TNC: variants seen among roughly 807,000 people sequenced by gnomAD.
TNC encodes the protein tenascin.
In TNC, 109 loss-of-function variants were observed where a neutral mutation model predicts 202.4. The ratio of observed to expected loss-of-function variants is 0.54; its 90% confidence interval spans 0.46 to 0.63. The LOEUF (loss-of-function observed/expected upper bound fraction) is 0.63, where lower values mean the gene tolerates loss of function less well. TNC is among the 30% of genes least tolerant of loss of function. TNC has a pLI of 0.00. For synonymous variants in TNC, 1,007 were observed against 1,089.7 expected, an observed-to-expected ratio of 0.92 and a Z score of 1.50; for missense variants, 2,756 against 2,833.3, an observed-to-expected ratio of 0.97 and a Z score of 0.62.
At chr9:115,091,305 GT>G (rs1835214995) in intron 1 of TNC, among the ~76,000 whole-genome samples, 151 bp from the exon 2 acceptor site, 1 of 151,980 alleles carries the variant, frequency 6.6e-6, no homozygotes, top group African/African-American at 2.4e-5. Context: ...ACATACAATG[GT>G]CTCTAAAAGA....
intron 1 of TNC, 87 bp downstream of exon 1, chr9:115,117,895 A>G (rs974079787): frequency 6.6e-6 from 1 of 152,104 alleles, no homozygotes; most frequent in Non-Finnish European, 1.5e-5. Context: ...TTTTGTAATT[A>G]TAATATAAAA....
chr9:115,062,007 T>C (rs563888172), intron 13 of TNC, among the ~76,000 whole-genome samples: 4 of 152,214 alleles, frequency 2.6e-5, no homozygotes, highest in Non-Finnish European at 4.4e-5. Context: ...TAAAGGTTAT[T>C]ATGTAGAGAT....
In TNC at chr9:115,082,564, G is replaced by A. The variant is rs1397242756; in HGVS notation, c.2247+128C>T. 3 of 632,482 alleles carry A rather than the reference G, an allele frequency of 4.7e-6. No individual in the cohort carries two copies. In the African/African-American group the frequency reaches 5.5e-5, roughly 12 times the overall value. The allele number at this position is 632,482 out of a possible 1,614,324, so 39.2% of individuals were successfully genotyped here. A position where few individuals can be genotyped will look rare whatever the true frequency, so the allele number is the denominator to read the frequency against. On this transcript the variant is annotated intron_variant, in intron 5 of 27. Coordinates refer to ENST00000350763, the MANE Select transcript of TNC (RefSeq NM_002160.4). ...TTAAAATATAGATGCAAACACAAAT[G>A]ATGCTAATGAGAGCCTTGTCCTCCA...
intron 22 of TNC, 78 bp from the exon 23 acceptor site, chr9:115,031,763 T>A: frequency 6.5e-7 from 1 of 1,542,902 alleles, no homozygotes; most frequent in Non-Finnish European, 8.7e-7. Context: ...ATTCTATTTA[T>A]AAGTTCATTT....
chr9:115,080,676 C>T (rs967336328), intron 6 of TNC, among the ~76,000 whole-genome samples: 13 of 151,954 alleles, frequency 8.6e-5, no homozygotes, highest in Non-Finnish European at 1.9e-4. Flanking sequence ...TTTAGGAGGC[C>T]GAGGCGGGTG....
Position 115,046,551 on chromosome 9 carries a change from C to T in TNC, c.4984G>A (p.Glu1662Lys). Residue 1662 changes from glutamate (E) to lysine (K), a missense_variant, in exon 17 of 28, where the codon GAG becomes AAG. Physicochemically the swap from Glu to Lys is moderately conservative, Grantham distance 56. Around this residue, in one of 2 missense-constraint regions of TNC, gnomAD observed 2,559 missense variants for 2,546.0 expected, o/e 1.01. Coordinates refer to ENST00000350763, the MANE Select transcript of TNC (RefSeq NM_002160.4). ...LKIRDTKKQS[E>K]PLEITLLAPE... ...GCAAGTAGGGTTATTTCCAGTGGCT[C>T]AGACTGCTTTTTGGTATCTCTGATT... 1 of 1,614,114 alleles carries T rather than the reference C, an allele frequency of 6.2e-7. No individual in the cohort carries two copies. The highest frequency in any genetic ancestry group is 1.3e-5 in the African/African-American group (1 of 75,036).
At position 115,086,195 on chromosome 9, in the gene TNC, C is replaced by T. The variant is rs144640673; in HGVS notation, c.1536G>A (p.Val512=). 8.6e-5 allele frequency: 139 copies of T among 1,614,152 alleles called. No homozygotes were observed. The African/African-American group carries it at 1.7e-3, about 19-fold the overall frequency. The stretch of plus-strand genomic sequence containing the variant: ...CGTCCTCACAGACGCACTGTCCGTC[C>T]ACACAGAGGCCCCTGTTGCTGCAGT... ...PRDCSNRGLC[V]DGQCVCEDGF... The change falls in exon 3 of 28, where the codon GTG becomes GTA. Residue 512 remains valine, a synonymous_variant. Coordinates refer to ENST00000350763, the MANE Select transcript of TNC (RefSeq NM_002160.4).
chr9:115,076,166 A>T (rs370822276), intron 8 of TNC, 45 bp from the exon 9 acceptor site: 1 of 1,574,514 alleles, frequency 6.4e-7, no homozygotes, highest in Non-Finnish European at 8.7e-7. Flanking sequence ...GAAATCAGAG[A>T]GACTTTCAGA....
At position 115,076,426 on chromosome 9, in the gene TNC, T is replaced by C; in HGVS notation, c.2824A>G (p.Lys942Glu). The change falls in exon 8 of 28, where the codon AAG becomes GAG. Residue 942 changes from lysine to glutamate, a missense_variant. Lys to Glu is a moderately conservative substitution (Grantham distance 56). Transcript: ENST00000350763. ...GTTTTGGTTGTGGCTTGTTGGCTCTTTGGAACATCAACCTCAGCGTGGTCC... is the reference window on the plus strand; with the variant it reads ...GTTTTGGTTGTGGCTTGTTGGCTCTCTGGAACATCAACCTCAGCGTGGTCC... ...GGDHAEVDVP[K>E]SQQATTKTTL... The C allele has an allele frequency of 6.2e-7, 1 of 1,614,126 alleles. No individual in the cohort carries two copies.
At chr9:115,055,913 A>G (rs984071648) in intron 15 of TNC, among the ~76,000 whole-genome samples, 4 of 152,152 alleles carry the variant, frequency 2.6e-5, no homozygotes, top group African/African-American at 9.7e-5. Context: ...GCCATGAGAA[A>G]CAAACATATA....
At position 115,086,832 on chromosome 9, in the gene TNC, A is replaced by G. The variant is rs1834787404; in HGVS notation, c.899T>C (p.Val300Ala). ...NRGRCVENEC[V>A]CDEGFTGEDC... ...TTCGCCCGTGAAACCCTCATCACAC[A>G]CGCACTCATTCTCCACGCATCGTCC... The change falls in exon 3 of 28, where the codon GTG (valine) becomes GCG (alanine). Residue 300 changes from valine (V) to alanine (A), a missense_variant. By Grantham distance (64) the Val-to-Ala change is moderately conservative (BLOSUM62 0). Coordinates refer to ENST00000350763, the MANE Select transcript of TNC (RefSeq NM_002160.4). 17 of 1,614,014 alleles carry G rather than the reference A, an allele frequency of 1.1e-5. No homozygotes were observed. Among genetic ancestry groups the G allele is most frequent in the Non-Finnish European group, 1.2e-5 (14 of 1,180,034 alleles).
intron 1 of TNC, among the ~76,000 whole-genome samples, chr9:115,108,112 G>A (rs1197402861): frequency 1.3e-5 from 2 of 152,106 alleles, no homozygotes; most frequent in Non-Finnish European, 2.9e-5. Flanking sequence ...CATCCTGCTT[G>A]TCTCTACCTC....
chr9:115,099,261 G>C (rs2026154), intron 1 of TNC, among the ~76,000 whole-genome samples: 21,913 of 152,130 alleles, frequency 0.14, 1,677 homozygotes, highest in African/African-American at 0.2. Context: ...GCCTAGTGGT[G>C]GTGGGGTGTT....
At chr9:115,068,061 T>C (rs868404108) in intron 10 of TNC, among the ~76,000 whole-genome samples, 11 of 152,210 alleles carry the variant, frequency 7.2e-5, no homozygotes, top group Middle Eastern at 3.4e-3. Flanking sequence ...ATATTATGAA[T>C]AAAAAATACA....
At chr9:115,047,240 C>CTTT (rs397975455) in intron 16 of TNC, among the ~76,000 whole-genome samples, 1,340 of 107,122 alleles carry the variant, frequency 0.013, 26 homozygotes, top group Middle Eastern at 0.018. Context: ...CTACCCTTGA[C>CTTT]TTTTTTTTTT....
chr9:115,038,890 C>T (rs989094308), intron 19 of TNC, among the ~76,000 whole-genome samples: 2 of 152,022 alleles, frequency 1.3e-5, no homozygotes, highest in East Asian at 1.9e-4. Flanking sequence ...TGCAGTGGCA[C>T]GATCTCGGCT....
At chr9:115,065,049 G>T in intron 10 of TNC, 130 bp from the exon 11 acceptor site, 1 of 990,114 alleles carries the variant, frequency 1.0e-6, no homozygotes, top group Non-Finnish European at 1.5e-6. Flanking sequence ...TTTGTTCACT[G>T]CATCCCCTAC....
intron 1 of TNC, among the ~76,000 whole-genome samples, chr9:115,111,522 C>T (rs1351585330): frequency 6.8e-6 from 1 of 146,044 alleles, no homozygotes; most frequent in Non-Finnish European, 1.5e-5. Context: ...GATTCTCCTG[C>T]TTCAGCTTCC....
In TNC at chr9:115,021,283, AAG is replaced by A. The variant is rs766737426; in HGVS notation, c.6496-18_6496-17del. The A allele has an allele frequency of 0.012, 12,457 of 1,040,288 alleles. No individual in the cohort carries two copies. The highest frequency in any genetic ancestry group is 0.013 in the Non-Finnish European group (9,825 of 747,586). 64.4% of individuals were successfully genotyped at this position (1,040,288 alleles called of 1,614,324 possible). A position where few individuals can be genotyped will look rare whatever the true frequency, so the allele number is the denominator to read the frequency against. On this transcript the variant is annotated splice_polypyrimidine_tract_variant and intron_variant, in intron 27 of 27. Transcript: ENST00000350763. The stretch of plus-strand genomic sequence containing the variant: ...AGTTAACGCCCTGTTAAAAAAAAAA[AAG>A]AGAGAGAGAGAGAGAGAGAGAAGGC...
Sources: allele counts gnomAD v4.1 joint callset (sites outside exome capture counted in the v4.1 genomes callset), GRCh38; gene constraint gnomAD v4.1.1; regional missense constraint gnomAD v4.1.1; transcripts MANE v1.5; gene names NCBI Gene and HGNC (gene_info 2026-07-23, HGNC 2026-07-21).